The following COBL variants were observed in gnomAD, a reference collection of about 807,000 sequenced individuals.
COBL encodes the protein protein cordon-bleu.
In COBL, 51 loss-of-function variants were observed where a neutral mutation model predicts 98.8. The ratio of observed to expected loss-of-function variants is 0.52; its 90% CI spans 0.41 to 0.65. The LOEUF (loss-of-function observed/expected upper bound fraction) is 0.65. COBL is among the 30% of genes least tolerant of loss of function. COBL has a pLI of 0.00. For synonymous variants in COBL, 634 were observed against 651.7 expected, an observed-to-expected ratio of 0.97 and a Z score of 0.41; for missense variants, 1,617 against 1,617.5, an observed-to-expected ratio of 1.00 and a Z score of 0.01.
At chr7:51,195,481 GGCC>G (rs1790508788) in intron 2 of COBL, among the ~76,000 whole-genome samples, 1 of 151,978 alleles carries the variant, frequency 6.6e-6, no homozygotes, top group African/African-American at 2.4e-5. Flanking sequence ...TGCTTAGGAT[GGCC>G]TTGGCTATTT....
rs1261069827 is a variant in COBL at position 51,219,962 on chromosome 7, A to G, written c.42-18T>C. On this transcript the variant is annotated intron_variant, in intron 1 of 12. Coordinates refer to ENST00000265136, the MANE Select transcript of COBL (RefSeq NM_015198.5). ...TCTTCCTCCTTAAAAACAACAACAC[A>G]AAGGCACAGAGTCAGTGGCAATGTT... The G allele has an allele frequency of 1.2e-6, 2 of 1,604,376 alleles. No individual in the cohort carries two copies. The highest frequency in any genetic ancestry group is 1.7e-5 in the Admixed American group (1 of 59,648).
chr7:51,054,999 A>T (rs1790597215), intron 7 of COBL, among the ~76,000 whole-genome samples: 1 of 152,198 alleles, frequency 6.6e-6, no homozygotes, highest in Non-Finnish European at 1.5e-5. Flanking sequence ...GAGGGGACAG[A>T]TGGGGAGCCA....
intron 1 of COBL, among the ~76,000 whole-genome samples, chr7:51,235,650 G>A (rs774722567): frequency 1.2e-4 from 19 of 152,144 alleles, no homozygotes; most frequent in Non-Finnish European, 2.6e-4. Context: ...CACCACCCAC[G>A]GCTTCCCATT....
At chr7:51,100,980 A>G (rs1795758415) in intron 6 of COBL, among the ~76,000 whole-genome samples, 1 of 152,218 alleles carries the variant, frequency 6.6e-6, no homozygotes, top group African/African-American at 2.4e-5. Flanking sequence ...CCCAACTTGA[A>G]AAAGCAATTT....
intron 7 of COBL, among the ~76,000 whole-genome samples, chr7:51,060,017 G>C (rs1037185933): frequency 6.6e-6 from 1 of 152,046 alleles, no homozygotes. Context: ...CTTCATCATG[G>C]GTCCTGCCGT....
At chr7:51,111,955 T>A (rs1025859558) in intron 6 of COBL, among the ~76,000 whole-genome samples, 2 of 152,200 alleles carry the variant, frequency 1.3e-5, no homozygotes, top group African/African-American at 2.4e-5. Context: ...GTAAAGTGTG[T>A]TCCTAGGAAG....
chr7:51,029,729 G>T, intron 9 of COBL, 138 bp from the exon 10 acceptor site: 1 of 706,016 alleles, frequency 1.4e-6, no homozygotes, highest in Non-Finnish European at 2.2e-6. Context: ...ATTTGGGTTT[G>T]TAATCTACAT....
At chr7:51,068,538 A>G (rs1792197358) in intron 7 of COBL, among the ~76,000 whole-genome samples, 1 of 152,218 alleles carries the variant, frequency 6.6e-6, no homozygotes, top group African/African-American at 2.4e-5. Context: ...AGTTGTGTGC[A>G]TGTCTTATGT....
chr7:51,093,933 T>C (rs1583768730), intron 6 of COBL, among the ~76,000 whole-genome samples: 1 of 151,420 alleles, frequency 6.6e-6, no homozygotes, highest in Non-Finnish European at 1.5e-5. Flanking sequence ...GATATAGAAT[T>C]ACCCTAAGTG....
rs549812471 is a variant in COBL, at chr7:51,057,478, T to C, written c.1097-13786A>G. On this transcript the variant is annotated intron_variant, in intron 7 of 12. Coordinates refer to ENST00000265136, the MANE Select transcript of COBL (RefSeq NM_015198.5). ...AGTAGAGTAGTCAGCATAAAAGCAATGAATAGTAACAAGATTTTTCTCTAG... is the reference window on the plus strand; with the variant it reads ...AGTAGAGTAGTCAGCATAAAAGCAACGAATAGTAACAAGATTTTTCTCTAG... 2.0e-5 allele frequency among the ~76,000 whole-genome samples: 3 copies of C among 152,126 alleles called. No individual in the cohort carries two copies. In the East Asian group the frequency reaches 5.8e-4, roughly 30 times the overall value.
intron 7 of COBL, among the ~76,000 whole-genome samples, chr7:51,046,249 G>A (rs563691092): frequency 3.3e-5 from 5 of 152,168 alleles, no homozygotes; most frequent in Admixed American, 6.5e-5. Context: ...GCACCTGCTC[G>A]GAGTATAGGG....
At chr7:51,180,233 G>A (rs2129049677) in intron 5 of COBL, among the ~76,000 whole-genome samples, 1 of 152,336 alleles carries the variant, frequency 6.6e-6, no homozygotes, top group African/African-American at 2.4e-5. Context: ...GGCTGAAGTT[G>A]ACTTTATAGC....
intron 6 of COBL, among the ~76,000 whole-genome samples, chr7:51,104,565 A>G (rs535854790): frequency 2.6e-5 from 4 of 152,212 alleles, no homozygotes; most frequent in Admixed American, 1.3e-4. Flanking sequence ...TAAGTAAGTA[A>G]TAACATGAAA....
chr7:51,184,312 A>G, intron 4 of COBL, 113 bp from the exon 5 acceptor site: 1 of 591,604 alleles, frequency 1.7e-6, no homozygotes, highest in South Asian at 2.5e-5. Flanking sequence ...TAGTTCTTGT[A>G]AGAGAGGGAA....
At position 51,085,167 on chromosome 7, in the gene COBL, C is replaced by A. The variant is rs1562889434; in HGVS notation, c.1095G>T (p.Met365Ile). 6.2e-7 allele frequency: 1 copy of A among 1,613,898 alleles called. No homozygotes were observed. Reference protein sequence around the residue: ...EDKEENRKSTMVSLPLGSGSH... With the variant: ...EDKEENRKSTIVSLPLGSGSH... ...GACGGCAGGCCGAGCCTCACTCACC[C>A]ATCGTGCTCTTCCTGTTCTCCTCCT... The change falls in exon 7 of 13, where the codon ATG (methionine) becomes ATT (isoleucine). Residue 365 changes from methionine to isoleucine, a missense_variant and splice_region_variant. Physicochemically the swap from Met to Ile is conservative, Grantham distance 10. Around this residue, in one of 3 missense-constraint regions of COBL, gnomAD observed 1,304 missense variants for 1,282.0 expected, o/e 1.02. Transcript: ENST00000265136.
intron 6 of COBL, among the ~76,000 whole-genome samples, chr7:51,088,246 CTT>C (rs889864142): frequency 6.6e-6 from 1 of 152,000 alleles, no homozygotes; most frequent in Admixed American, 6.6e-5. Flanking sequence ...TCCTCTGTTT[CTT>C]TCTCTCTGGG....
At chr7:51,258,758 A>C (rs1171124344) in intron 1 of COBL, among the ~76,000 whole-genome samples, 3 of 152,262 alleles carry the variant, frequency 2.0e-5, no homozygotes, top group Non-Finnish European at 4.4e-5. Context: ...TCAGCAAAAT[A>C]AATGATTCAT....
intron 1 of COBL, among the ~76,000 whole-genome samples, chr7:51,253,775 TTAAAA>T (rs1174748765): frequency 6.6e-6 from 1 of 152,238 alleles, no homozygotes; most frequent in Non-Finnish European, 1.5e-5. Flanking sequence ...TCTTTTGTTC[TTAAAA>T]TATGTTCCAA....
intron 2 of COBL, among the ~76,000 whole-genome samples, chr7:51,218,764 C>T (rs1392068076): frequency 6.6e-6 from 1 of 152,178 alleles, no homozygotes; most frequent in African/African-American, 2.4e-5. Context: ...GCCACCGTGC[C>T]CAGCCCATTT....
Sources: allele counts gnomAD v4.1 joint callset (sites outside exome capture counted in the v4.1 genomes callset), GRCh38; gene constraint gnomAD v4.1.1; regional missense constraint gnomAD v4.1.1; transcripts MANE v1.5; gene names NCBI Gene and HGNC (gene_info 2026-07-23, HGNC 2026-07-21).